Variants in TDRD1 observed in about 807,000 individuals in gnomAD.
TDRD1 encodes tudor domain containing 1.
Under a neutral mutation model 140.6 loss-of-function variants are expected in TDRD1, and 37 were observed. The observed-to-expected ratio is 0.26, with a 90% CI of 0.20 to 0.35. The LOEUF is 0.35. TDRD1 is among the 10% of genes least tolerant of loss of function. The probability of loss-of-function intolerance (pLI) is 1.00; values close to 1 mark genes in which losing one functional copy is unlikely to be tolerated. For synonymous variants in TDRD1, 506 were observed against 475.7 expected (o/e 1.06, Z -0.83); for missense variants, 1,243 against 1,393.0 (o/e 0.89, Z 1.71).
intron 22 of TDRD1, 23 bp from the exon 23 acceptor site, chr10:114,227,049 A>G (rs936644415): frequency 1.6e-6 from 2 of 1,233,744 alleles, no homozygotes; most frequent in Non-Finnish European, 2.3e-6. Flanking sequence ...GGACTAAAAG[A>G]CTATAATATC....
chr10:114,190,313 T>C (rs965766926), intron 2 of TDRD1, among the ~76,000 whole-genome samples: 1 of 152,214 alleles, frequency 6.6e-6, no homozygotes, highest in African/African-American at 2.4e-5. Context: ...TCTAATACAG[T>C]AAATATTGAT....
At chr10:114,190,975 C>T in exon 3 of TDRD1, 1 of 1,613,926 alleles carries the variant, frequency 6.2e-7, no homozygotes, top group Non-Finnish European at 8.5e-7. Context: ...CTCAGTGTCA[C>T]CACCAAGTGC....
intron 17 of TDRD1, 80 bp downstream of exon 17, chr10:114,217,735 T>G: frequency 1.4e-6 from 1 of 718,066 alleles, no homozygotes; most frequent in Non-Finnish European, 2.4e-6. Context: ...CACATTTTCT[T>G]AATGCTTAAG....
chr10:114,210,513 C>A, intron 11 of TDRD1, 68 bp from the exon 12 acceptor site: 1 of 1,421,284 alleles, frequency 7.0e-7, no homozygotes, highest in Non-Finnish European at 9.4e-7. Flanking sequence ...ATGATTAAAG[C>A]GTGCATAATT....
At chr10:114,191,319 A>G (rs2033948660) in intron 3 of TDRD1, among the ~76,000 whole-genome samples, 1 of 152,188 alleles carries the variant, frequency 6.6e-6, no homozygotes, top group Admixed American at 6.5e-5. Context: ...GAACATTTCC[A>G]TCACTACAAG....
intron 20 of TDRD1, among the ~76,000 whole-genome samples, chr10:114,222,231 G>A (rs1456934360): frequency 6.6e-6 from 1 of 152,086 alleles, no homozygotes; most frequent in Non-Finnish European, 1.5e-5. Flanking sequence ...ATGCTATTGA[G>A]GATAATTTTA....
intron 8 of TDRD1, among the ~76,000 whole-genome samples, 179 bp downstream of exon 8, chr10:114,203,746 C>T (rs2034919373): frequency 1.3e-5 from 2 of 152,334 alleles, no homozygotes; most frequent in South Asian, 4.1e-4. Flanking sequence ...TTACTCCTCT[C>T]CAACTCTGTT....
Position 114,183,731 on chromosome 10 carries a change from C to T in TDRD1, c.-6-4095C>T, listed in dbSNP as rs375420049. 6.0e-4 allele frequency among the ~76,000 whole-genome samples: 82 copies of T among 136,994 alleles called. 1 individual carries two copies. The East Asian group carries it at 0.016, about 26-fold the overall frequency. The allele number at this position is 136,994 out of a possible 152,430, so 89.9% of individuals were successfully genotyped here. A position where few individuals can be genotyped will look rare whatever the true frequency, so the allele number is the denominator to read the frequency against. ...TTTTTTTTTTTTTTTGAGACAGTCT[C>T]GCTTCGTTGCCCAAGCTGGAGTGCA... On this transcript the variant is annotated intron_variant, in intron 1 of 25. Transcript: ENST00000251864.
chr10:114,195,383 T>G (rs1291947646), intron 3 of TDRD1, among the ~76,000 whole-genome samples: 2 of 152,214 alleles, frequency 1.3e-5, no homozygotes, highest in Non-Finnish European at 2.9e-5. Context: ...TTCTATCCTC[T>G]TGCTGATTTT....
At chr10:114,179,935 C>G (rs1467170523) in intron 1 of TDRD1, 2 of 152,266 alleles carry the variant, frequency 1.3e-5, no homozygotes, top group Middle Eastern at 3.4e-3. Flanking sequence ...CTAAATGCTT[C>G]CAGCTTCCTT....
At chr10:114,220,016 G>T (rs1015111124) in intron 18 of TDRD1, among the ~76,000 whole-genome samples, 14 of 152,126 alleles carry the variant, frequency 9.2e-5, no homozygotes, top group Non-Finnish European at 2.1e-4. Flanking sequence ...CCAAGACCCA[G>T]ACCTACCAAA....
chr10:114,196,238 C>T (rs1046673117), intron 3 of TDRD1, among the ~76,000 whole-genome samples: 3 of 152,118 alleles, frequency 2.0e-5, no homozygotes, highest in African/African-American at 4.8e-5. Context: ...CCACTGAGCC[C>T]GGACTATTGT....
At chr10:114,212,119 C>T in intron 14 of TDRD1, 83 bp downstream of exon 14, 1 of 1,306,060 alleles carries the variant, frequency 7.7e-7, no homozygotes, top group East Asian at 2.6e-5. Context: ...TAGGGAAAAG[C>T]TGCTTCTCAA....
Position 114,221,490 on chromosome 10 carries a change from A to G in TDRD1, c.2890+14A>G, listed in dbSNP as rs780037576. 3.7e-6 allele frequency: 6 copies of G among 1,609,696 alleles called. No individual in the cohort carries two copies. The highest frequency in any genetic ancestry group is 1.3e-5 in the African/African-American group (1 of 74,682). ...AAGGGATGCCAGGTAAGAAACCAAA[A>G]TTTGAGACATATTTATGCTCATCTT... On this transcript the variant is annotated intron_variant, in intron 20 of 25. Coordinates refer to ENST00000251864, the Ensembl canonical transcript of TDRD1.
intron 6 of TDRD1, 75 bp from the exon 7 acceptor site, chr10:114,202,997 C>T (rs970661892): frequency 1.1e-5 from 10 of 946,858 alleles, no homozygotes; most frequent in African/African-American, 4.9e-5. Context: ...ACTGCAGTTC[C>T]GACGTGTAGT....
intron 1 of TDRD1, among the ~76,000 whole-genome samples, chr10:114,186,463 A>G (rs2033534809): frequency 6.6e-6 from 1 of 151,862 alleles, no homozygotes. Context: ...ACGGGGTTTC[A>G]CCGTGTTAGC....
chr10:114,220,752 G>A lies in TDRD1; in HGVS notation c.2679G>A (p.Leu893=), dbSNP rs142105065. ...GTGATGTTCTGATTGATGAACATCTGGTTTTAAAATCTGCTTCACCACATA... is the reference window on the plus strand; with the variant it reads ...GTGATGTTCTGATTGATGAACATCTAGTTTTAAAATCTGCTTCACCACATA... The change falls in exon 19 of 26, where the codon CTG becomes CTA. Residue 893 remains leucine (L), a synonymous_variant. Transcript: ENST00000251864. The A allele has an allele frequency of 2.9e-5, 46 of 1,610,732 alleles. No individual in the cohort carries two copies. In the African/African-American group the frequency reaches 6.0e-4, roughly 21 times the overall value.
intron 21 of TDRD1, among the ~76,000 whole-genome samples, chr10:114,225,030 A>T (rs2036354486): frequency 6.6e-6 from 1 of 152,176 alleles, no homozygotes; most frequent in Non-Finnish European, 1.5e-5. Context: ...CGCCATCTTG[A>T]TGGGCTGTCA....
chr10:114,227,991 CT>C, intron 24 of TDRD1, 35 bp downstream of exon 24: 1 of 1,611,688 alleles, frequency 6.2e-7, no homozygotes, highest in East Asian at 2.2e-5. Context: ...AATTATACTC[CT>C]AACGTTTTTA....
Sources: gnomAD v4.1 joint callset for allele counts (sites outside exome capture counted in the v4.1 genomes callset) on GRCh38, gnomAD v4.1.1 for gene constraint, MANE v1.5 for transcripts, NCBI Gene and HGNC (gene_info 2026-07-23, HGNC 2026-07-21) for gene names.